Variants in MIB1 observed in about 807,000 individuals in gnomAD.
MIB1 encodes MIB E3 ubiquitin protein ligase 1.
MIB1 carries 278 observed loss-of-function variants against 124.5 expected under a neutral mutation model. That is an observed-to-expected ratio of 2.23 (90% CI 2.02 to 2.47). MIB1 has a LOEUF of 2.47. MIB1 is among the 30% of genes most tolerant of loss of function. The pLI is 0.00. For synonymous variants in MIB1, 446 were observed against 429.4 expected (o/e 1.04, Z -0.48); for missense variants, 957 against 1,254.4 (o/e 0.76, Z 3.58).
chr18:21,825,003 A>G (rs1194908379), intron 12 of MIB1, among the ~76,000 whole-genome samples: 2 of 152,056 alleles, frequency 1.3e-5, no homozygotes, highest in Non-Finnish European at 2.9e-5. Flanking sequence ...AGAGTTCTTC[A>G]TTTTACAGCT....
intron 6 of MIB1, among the ~76,000 whole-genome samples, chr18:21,780,809 A>G (rs532550550): frequency 2.6e-5 from 4 of 152,194 alleles, no homozygotes; most frequent in African/African-American, 4.8e-5. Flanking sequence ...TGTCTTGGCT[A>G]TTGTGGATAG....
At chr18:21,819,913 A>C (rs547009327) in intron 12 of MIB1, among the ~76,000 whole-genome samples, 2 of 152,318 alleles carry the variant, frequency 1.3e-5, no homozygotes, top group African/African-American at 2.4e-5. Context: ...GATTTAATTA[A>C]AATGCATTTT....
At position 21,804,006 on chromosome 18, in the gene MIB1, G is replaced by T. The variant is rs1434392772; in HGVS notation, c.1471G>T (p.Glu491Ter). 1 of 1,609,804 alleles carries T rather than the reference G, an allele frequency of 6.2e-7. No homozygotes were observed. The highest frequency in any genetic ancestry group is 8.5e-7 in the Non-Finnish European group (1 of 1,176,564). Residue 491 changes from glutamate to a stop codon, truncating the protein, a stop_gained, in exon 10 of 21, where the codon GAA (glutamate) becomes TAA (stop). Coordinates refer to ENST00000261537, the MANE Select transcript of MIB1 (RefSeq NM_020774.4). LOFTEE classifies it high-confidence loss of function. ...KLLLKQNVDV[E>*]AEDKDGDRAV... ...ACTTTTGAAGCAAAACGTGGATGTC[G>T]AAGCAGAGGTAAGTAAACTTGAAAA...
chr18:21,864,524 A>G lies in MIB1; in HGVS notation c.2881-2A>G, dbSNP rs780460756. On this transcript the variant is annotated splice_acceptor_variant, in intron 20 of 20. Coordinates refer to ENST00000261537, the MANE Select transcript of MIB1 (RefSeq NM_020774.4). LOFTEE classifies it high-confidence loss of function. ...TTATTACTTTGTTATCTCACATTAC[A>G]GACAATGTGCCCTGTGTGTCTAGAT... 1 of 1,608,920 alleles carries G rather than the reference A, an allele frequency of 6.2e-7. No individual in the cohort carries two copies. Among genetic ancestry groups the G allele is most frequent in the Non-Finnish European group, 8.5e-7 (1 of 1,175,970 alleles).
intron 1 of MIB1, among the ~76,000 whole-genome samples, chr18:21,745,657 G>A (rs1201204098): frequency 1.3e-5 from 2 of 149,346 alleles, no homozygotes; most frequent in African/African-American, 5.1e-5. Context: ...CTACCCCATG[G>A]TGAGTGCATA....
chr18:21,863,786 A>C (rs1221565515), intron 20 of MIB1, among the ~76,000 whole-genome samples: 2 of 152,152 alleles, frequency 1.3e-5, no homozygotes, highest in Admixed American at 1.3e-4. Context: ...TGGGCAGATC[A>C]CGAGGTCAGA....
At chr18:21,822,464 TA>T (rs202119768) in intron 12 of MIB1, among the ~76,000 whole-genome samples, 133 of 151,470 alleles carry the variant, frequency 8.8e-4, no homozygotes, top group Non-Finnish European at 1.3e-3. Context: ...AGGTGACATT[TA>T]AAAAAAAATG....
chr18:21,853,037 G>A, intron 17 of MIB1, 103 bp from the exon 18 acceptor site: 2 of 750,292 alleles, frequency 2.7e-6, no homozygotes, highest in Non-Finnish European at 2.3e-6. Flanking sequence ...CTGTGCCTAG[G>A]TGTTTTCTTA....
At chr18:21,784,699 AGAG>A (rs1164506639) in intron 6 of MIB1, among the ~76,000 whole-genome samples, 2 of 152,200 alleles carry the variant, frequency 1.3e-5, no homozygotes, top group African/African-American at 2.4e-5. Flanking sequence ...AGTGACCAGA[AGAG>A]AAGAGTGTGA....
chr18:21,795,342 T>G (rs1475298443), intron 7 of MIB1, among the ~76,000 whole-genome samples: 1 of 139,774 alleles, frequency 7.2e-6, no homozygotes, highest in Non-Finnish European at 1.5e-5. Flanking sequence ...ATATAATATA[T>G]ATAATATATA....
chr18:21,843,164 C>G lies in MIB1; in HGVS notation c.1996C>G (p.Gln666Glu). 2 of 1,604,942 alleles carry G rather than the reference C, an allele frequency of 1.2e-6. No individual in the cohort carries two copies. The highest frequency in any genetic ancestry group is 2.2e-5 in the South Asian group (2 of 88,962). ...NANLDIQNVN[Q>E]QTALHLAVER... ...AAACCTGGATATCCAGAATGTGAAC[C>G]AACAAACTGCCCTACACCTTGCTGT... Residue 666 changes from glutamine (Q) to glutamate (E), a missense_variant, in exon 14 of 21, where the codon CAA (glutamine) becomes GAA (glutamate). Coordinates refer to ENST00000261537, the MANE Select transcript of MIB1 (RefSeq NM_020774.4).
chr18:21,842,091 CAAAAAAAAAAAAA>C (rs376834305), intron 13 of MIB1, among the ~76,000 whole-genome samples: 31 of 35,686 alleles, frequency 8.7e-4, no homozygotes, highest in African/African-American at 1.7e-3. Context: ...GACCCTATCT[CAAAAAAAAAAAAA>C]AAAAAAAAAA....
chr18:21,849,242 GA>G lies in MIB1; in HGVS notation c.2443del (p.Thr815ProfsTer2). The G allele has an allele frequency of 6.2e-7, 1 of 1,603,928 alleles. No individual in the cohort carries two copies. The highest frequency in any genetic ancestry group is 8.5e-7 in the Non-Finnish European group (1 of 1,175,606). ...TCCTTCTATGATTAGTAATGATTCT[GA>G]AACCTTAGAAGAGTGTATGGTGTGC... Reference protein sequence around the residue: ...RSPSMISNDSETLEECMVCSD... With the variant: ...RSPSMISNDSXTLEECMVCSD... On this transcript the variant is annotated frameshift_variant, in exon 17 of 21. Coordinates refer to ENST00000261537, the MANE Select transcript of MIB1 (RefSeq NM_020774.4). LOFTEE classifies it high-confidence loss of function.
Position 21,849,280 on chromosome 18 carries a change from G to C in MIB1, c.2478G>C (p.Lys826Asn). The C allele has an allele frequency of 6.2e-7, 1 of 1,612,996 alleles. No individual in the cohort carries two copies. The highest frequency in any genetic ancestry group is 8.5e-7 in the Non-Finnish European group (1 of 1,179,296). The change falls in exon 17 of 21, where the codon AAG (lysine) becomes AAC (asparagine). Residue 826 changes from lysine (K) to asparagine (N), a missense_variant. By Grantham distance (94) the Lys-to-Asn change is moderately conservative. Coordinates refer to ENST00000261537, the MANE Select transcript of MIB1 (RefSeq NM_020774.4). The part of the protein sequence containing the change: ...LEECMVCSDM[K>N]RDTLFGPCGH... ...AGTGTATGGTGTGCTCAGATATGAAGAGAGATACTCTTTTTGGTCCATGTG... is the reference window on the plus strand; with the variant it reads ...AGTGTATGGTGTGCTCAGATATGAACAGAGATACTCTTTTTGGTCCATGTG...
intron 1 of MIB1, among the ~76,000 whole-genome samples, chr18:21,733,736 G>A (rs1449227556): frequency 1.3e-5 from 2 of 151,170 alleles, no homozygotes; most frequent in African/African-American, 2.4e-5. Flanking sequence ...ATGGAGTTTC[G>A]CTCTTGTCAC....
At position 21,790,244 on chromosome 18, in the gene MIB1, C is replaced by T. The variant is rs568391824; in HGVS notation, c.909-1130C>T. Among the ~76,000 whole-genome samples, 4 of 152,260 alleles carry T rather than the reference C, an allele frequency of 2.6e-5. No individual in the cohort carries two copies. In the East Asian group the frequency reaches 7.7e-4, roughly 29 times the overall value. On this transcript the variant is annotated intron_variant, in intron 6 of 20. Coordinates refer to ENST00000261537, the MANE Select transcript of MIB1 (RefSeq NM_020774.4). ...AAATGTATGCTTTGATCAGATAGTT[C>T]TTTTAAGAATCTCTACTGAAATACC...
At chr18:21,771,780 A>G (rs971612469) in intron 3 of MIB1, among the ~76,000 whole-genome samples, 2 of 152,052 alleles carry the variant, frequency 1.3e-5, no homozygotes, top group African/African-American at 4.8e-5. Flanking sequence ...GCAGATCACA[A>G]GATCAGGAGT....
At chr18:21,793,092 G>A (rs763015641) in intron 7 of MIB1, among the ~76,000 whole-genome samples, 5 of 152,170 alleles carry the variant, frequency 3.3e-5, no homozygotes, top group African/African-American at 1.2e-4. Flanking sequence ...AATTAATGAG[G>A]CATCTGATAG....
intron 1 of MIB1, among the ~76,000 whole-genome samples, chr18:21,717,833 G>T (rs141148335): frequency 2.8e-3 from 429 of 152,302 alleles, no homozygotes; most frequent in African/African-American, 9.5e-3. Context: ...GGAAAACAGT[G>T]TGGAGATTCC....
Sources: gnomAD v4.1 joint callset for allele counts (sites outside exome capture counted in the v4.1 genomes callset) on GRCh38, gnomAD v4.1.1 for gene constraint, MANE v1.5 for transcripts, NCBI Gene and HGNC (gene_info 2026-07-23, HGNC 2026-07-21) for gene names.